Variants in REV3L observed in about 807,000 individuals in gnomAD.
The protein encoded by REV3L is REV3 like, DNA directed polymerase zeta catalytic subunit, also known as DNA polymerase zeta catalytic subunit.
REV3L carries 69 observed loss-of-function variants against 299.4 expected under a neutral mutation model. That is an observed-to-expected ratio of 0.23 (90% CI 0.19 to 0.28). REV3L has a LOEUF of 0.28. Among genes scored for constraint, REV3L ranks in the 10% least tolerant of loss-of-function variants. The pLI is 1.00. For missense variants in REV3L, 3,128 were observed against 3,693.8 expected (o/e 0.85, Z 3.97); for synonymous variants, 1,238 against 1,271.4 (o/e 0.97, Z 0.56).
At chr6:111,352,957 T>C (rs780512714) in intron 18 of REV3L, among the ~76,000 whole-genome samples, 2 of 152,236 alleles carry the variant, frequency 1.3e-5, no homozygotes, top group African/African-American at 2.4e-5. Context: ...ATTATAGTTA[T>C]AAGTTTTGAG....
chr6:111,395,271 G>A (rs1782374727), intron 4 of REV3L, among the ~76,000 whole-genome samples: 1 of 152,022 alleles, frequency 6.6e-6, no homozygotes. Flanking sequence ...GATATGAACT[G>A]CAATGAATCT....
intron 1 of REV3L, among the ~76,000 whole-genome samples, chr6:111,424,796 C>T (rs571072110): frequency 2.0e-5 from 3 of 152,140 alleles, no homozygotes; most frequent in Non-Finnish European, 4.4e-5. Context: ...GCCCTATATG[C>T]GGCAGGGTCT....
At chr6:111,425,525 A>G (rs1338642521) in intron 1 of REV3L, among the ~76,000 whole-genome samples, 4 of 152,180 alleles carry the variant, frequency 2.6e-5, no homozygotes, top group African/African-American at 9.7e-5. Flanking sequence ...AATAAACTGC[A>G]GCAACAACAA....
intron 26 of REV3L, among the ~76,000 whole-genome samples, chr6:111,319,382 A>C (rs897198560): frequency 1.7e-4 from 26 of 152,018 alleles, no homozygotes; most frequent in Non-Finnish European, 2.9e-4. Context: ...AATGGCGTGA[A>C]CCTGGGAGGC....
intron 1 of REV3L, among the ~76,000 whole-genome samples, chr6:111,475,901 G>T (rs1483841728): frequency 6.6e-6 from 1 of 151,852 alleles, no homozygotes; most frequent in South Asian, 2.1e-4. Flanking sequence ...AACTCCTCTG[G>T]AAGCCAACAT....
intron 1 of REV3L, among the ~76,000 whole-genome samples, chr6:111,467,608 A>G (rs1474985205): frequency 6.6e-6 from 1 of 152,164 alleles, no homozygotes; most frequent in Non-Finnish European, 1.5e-5. Context: ...ATGCGTACAA[A>G]CTTTTTTCCT....
intron 1 of REV3L, chr6:111,430,998 A>G: frequency 6.4e-7 from 1 of 1,569,278 alleles, no homozygotes; most frequent in Admixed American, 1.8e-5. Context: ...AAAGAGGACA[A>G]AAGAACAAAG....
At chr6:111,329,290 G>C (rs1272050572) in intron 25 of REV3L, among the ~76,000 whole-genome samples, 1 of 151,360 alleles carries the variant, frequency 6.6e-6, no homozygotes. Flanking sequence ...TGATCCGCCT[G>C]CCTTGGCCTC....
At chr6:111,407,622 A>G (rs1783782866) in intron 3 of REV3L, among the ~76,000 whole-genome samples, 1 of 152,186 alleles carries the variant, frequency 6.6e-6, no homozygotes, top group South Asian at 2.1e-4. Context: ...GGTAGAAGCC[A>G]TATTGTAGTA....
chr6:111,374,982 GAGA>G lies in REV3L; in HGVS notation c.3370_3372del (p.Ser1124del). On this transcript the variant is annotated inframe_deletion, in exon 13 of 32. Transcript: ENST00000368802. ...TCTGTGGGAGACCAGCAGCGAGGTG[GAGA>G]AGAATTTATGGGACTTGTGCTTCTC... The G allele has an allele frequency of 6.2e-7, 1 of 1,612,682 alleles. No homozygotes were observed. Among genetic ancestry groups the G allele is most frequent in the Non-Finnish European group, 8.5e-7 (1 of 1,179,530 alleles).
intron 21 of REV3L, among the ~76,000 whole-genome samples, chr6:111,339,180 T>C (rs763117723): frequency 1.3e-5 from 2 of 152,154 alleles, no homozygotes; most frequent in African/African-American, 2.4e-5. Context: ...GACGTACCAA[T>C]TAATTAACAT....
intron 4 of REV3L, among the ~76,000 whole-genome samples, chr6:111,397,577 A>G (rs1782652906): frequency 6.6e-6 from 1 of 152,212 alleles, no homozygotes; most frequent in Non-Finnish European, 1.5e-5. Flanking sequence ...GAGAATGTGT[A>G]TTCTGCAACT....
At chr6:111,322,898 ACTTGT>A (rs1774341031) in intron 25 of REV3L, among the ~76,000 whole-genome samples, 1 of 152,110 alleles carries the variant, frequency 6.6e-6, no homozygotes, top group Non-Finnish European at 1.5e-5. Context: ...CAATATACAA[ACTTGT>A]CTTTGAGTAT....
chr6:111,330,184 A>G (rs1399655032), intron 24 of REV3L: 2 of 406,448 alleles, frequency 4.9e-6, no homozygotes, highest in Non-Finnish European at 1.0e-5. Flanking sequence ...CCATTTATCT[A>G]CCTTGGAAGA....
chr6:111,472,567 A>C (rs1379572744), intron 1 of REV3L, among the ~76,000 whole-genome samples: 1 of 151,566 alleles, frequency 6.6e-6, no homozygotes, highest in East Asian at 1.9e-4. Flanking sequence ...AAAAAATAGA[A>C]TTGGCCAAAA....
intron 23 of REV3L, 151 bp from the exon 24 acceptor site, chr6:111,331,935 C>T (rs531105484): frequency 1.8e-6 from 1 of 571,424 alleles, no homozygotes; most frequent in South Asian, 2.3e-5. Flanking sequence ...TTATTTGCCT[C>T]ATTACCAAAA....
At chr6:111,402,338 G>A (rs1783171332) in intron 4 of REV3L, among the ~76,000 whole-genome samples, 1 of 152,014 alleles carries the variant, frequency 6.6e-6, no homozygotes. Flanking sequence ...ATGCATTTGA[G>A]GCCCTACCTT....
In REV3L at chr6:111,373,122, T is replaced by C. The variant is rs1481901895; in HGVS notation, c.5233A>G (p.Lys1745Glu). The C allele has an allele frequency of 1.2e-6, 2 of 1,614,070 alleles. No homozygotes were observed. The highest frequency in any genetic ancestry group is 1.3e-5 in the African/African-American group (1 of 74,930). ...GTTGTTAGAGGATGAAAGCTATTTT[T>C]CCACTGGTTGTGGCGACGATTCTCA... ...SNENRRHNQWKNSFHPLTTRS... is the reference protein window; with the variant it reads ...SNENRRHNQWENSFHPLTTRS... The change falls in exon 13 of 32, where the codon AAA becomes GAA. Residue 1745 changes from lysine (K) to glutamate (E), a missense_variant. Lys to Glu is a moderately conservative substitution (Grantham distance 56). This residue lies in a region of REV3L where 2,409 missense variants were observed against 2,611.8 expected (regional missense o/e 0.92). Coordinates refer to ENST00000368802, the MANE Select transcript of REV3L (RefSeq NM_001372078.1).
At chr6:111,338,583 C>G (rs368772789) in intron 21 of REV3L, among the ~76,000 whole-genome samples, 13 of 150,804 alleles carry the variant, frequency 8.6e-5, no homozygotes, top group African/African-American at 3.2e-4. Context: ...TTGATGTTAG[C>G]TTTTTACTTT....
Sources: gnomAD v4.1 joint callset for allele counts (sites outside exome capture counted in the v4.1 genomes callset) on GRCh38, gnomAD v4.1.1 for gene constraint, gnomAD v4.1.1 regional missense constraint, MANE v1.5 for transcripts, NCBI Gene and HGNC (gene_info 2026-07-23, HGNC 2026-07-21) for gene names.